ROBO1: variants seen among roughly 807,000 people sequenced by gnomAD.
ROBO1 encodes roundabout homolog 1.
In ROBO1, 149 loss-of-function variants were observed where a neutral mutation model predicts 195.9. The ratio of observed to expected loss-of-function variants is 0.76; its 90% CI spans 0.67 to 0.87. The LOEUF is 0.87. Ranked by LOEUF, ROBO1 falls within the 40% of genes least tolerant of loss-of-function variation. ROBO1 has a pLI of 0.00. For synonymous variants in ROBO1, 816 were observed against 733.2 expected, an observed-to-expected ratio of 1.11 and a Z score of -1.82; for missense variants, 1,933 against 2,068.3, an observed-to-expected ratio of 0.93 and a Z score of 1.27.
chr3:79,523,639 A>T (rs1941309195), intron 2 of ROBO1, among the ~76,000 whole-genome samples: 2 of 151,348 alleles, frequency 1.3e-5, no homozygotes, highest in Admixed American at 6.6e-5. Flanking sequence ...CACCCAGCTA[A>T]TTTTTTCTAT....
chr3:79,607,095 G>GAACACACA lies in ROBO1; in HGVS notation c.-50-17135_-50-17134insTGTGTGTT, dbSNP rs71631663. On this transcript the variant is annotated intron_variant, in intron 1 of 30. Coordinates refer to ENST00000464233, the MANE Select transcript of ROBO1 (RefSeq NM_002941.4). The stretch of plus-strand genomic sequence containing the variant: ...TTTTCAATAACTGTTATTAAAACCT[G>GAACACACA]CACACACACACACACACACACACAC... Among the ~76,000 whole-genome samples the GAACACACA allele has an allele frequency of 5.0e-5, 7 of 140,044 alleles. No individual in the cohort carries two copies. In the East Asian group the frequency reaches 1.2e-3, roughly 25 times the overall value. 91.9% of individuals were successfully genotyped at this position (140,044 alleles called of 152,430 possible).
intron 4 of ROBO1, among the ~76,000 whole-genome samples, chr3:78,920,732 G>A (rs191953479): frequency 2.8e-5 from 4 of 145,082 alleles, no homozygotes; most frequent in East Asian, 2.2e-4. Flanking sequence ...CCTCTGGGCC[G>A]TCAAATGATC....
At chr3:78,638,191 ATGTG>A (rs1247509606) in intron 22 of ROBO1, among the ~76,000 whole-genome samples, 11 of 142,422 alleles carry the variant, frequency 7.7e-5, no homozygotes, top group East Asian at 2.0e-4. Flanking sequence ...GTGTATATAT[ATGTG>A]TGTATGTGTG....
At position 79,692,125 on chromosome 3, in the gene ROBO1, G is replaced by A. The variant is rs940575301; in HGVS notation, c.-51+75627C>T. Among the ~76,000 whole-genome samples, 5 of 151,838 alleles carry A rather than the reference G, an allele frequency of 3.3e-5. No homozygotes were observed. The East Asian group carries it at 9.7e-4, about 29-fold the overall frequency. On this transcript the variant is annotated intron_variant, in intron 1 of 30. Coordinates refer to ENST00000464233, the MANE Select transcript of ROBO1 (RefSeq NM_002941.4). ...CAGAAGAAAAGGAGGTTGAGGAGAG[G>A]AAATATTGTTGGCATAAAGAGAAAG...
chr3:79,410,866 A>C (rs1024914154), intron 2 of ROBO1, among the ~76,000 whole-genome samples: 3 of 152,056 alleles, frequency 2.0e-5, no homozygotes, highest in East Asian at 3.9e-4. Context: ...CTTCCACTCA[A>C]ATCAGTAAAG....
intron 2 of ROBO1, among the ~76,000 whole-genome samples, chr3:79,434,313 C>G (rs930593862): frequency 9.2e-5 from 14 of 152,270 alleles, no homozygotes; most frequent in Admixed American, 7.2e-4. Context: ...TTGCAATCTA[C>G]TCATCTGACA....
chr3:78,698,639 A>G (rs2081353318), intron 8 of ROBO1, among the ~76,000 whole-genome samples: 1 of 152,164 alleles, frequency 6.6e-6, no homozygotes, highest in Non-Finnish European at 1.5e-5. Context: ...CAAACATCCT[A>G]CAAAGCCCAA....
chr3:79,664,821 C>T (rs552503103), intron 1 of ROBO1, among the ~76,000 whole-genome samples: 7 of 152,064 alleles, frequency 4.6e-5, no homozygotes, highest in African/African-American at 7.2e-5. Context: ...TATTCAATGC[C>T]TTCCGGTACT....
chr3:79,480,575 T>C (rs73131025), intron 2 of ROBO1, among the ~76,000 whole-genome samples: 23,223 of 152,144 alleles, frequency 0.15, 2,322 homozygotes, highest in African/African-American at 0.29. Context: ...GCTCTAATTT[T>C]TCTATAGAGA....
chr3:79,061,463 G>T (rs7433661), intron 3 of ROBO1, among the ~76,000 whole-genome samples: 62,396 of 151,886 alleles, frequency 0.41, 15,287 homozygotes, highest in East Asian at 0.57. Context: ...TCCCCATCAA[G>T]CTACCAATGA....
At chr3:78,720,815 A>G (rs1032994896) in intron 5 of ROBO1, among the ~76,000 whole-genome samples, 17 of 152,164 alleles carry the variant, frequency 1.1e-4, no homozygotes, top group African/African-American at 3.4e-4. Context: ...GAAGCTGGAA[A>G]CCATCATTCT....
chr3:79,309,416 C>T (rs901143201), intron 2 of ROBO1, among the ~76,000 whole-genome samples: 5 of 152,024 alleles, frequency 3.3e-5, no homozygotes, highest in African/African-American at 1.2e-4. Context: ...CCCGTCTCTA[C>T]AAAAACCCAG....
chr3:79,277,043 A>G (rs1280029546), intron 2 of ROBO1, among the ~76,000 whole-genome samples: 7 of 152,060 alleles, frequency 4.6e-5, no homozygotes, highest in African/African-American at 1.4e-4. Flanking sequence ...TGCAACCACT[A>G]TGGAGAAACC....
chr3:78,777,896 C>T (rs1474698361), intron 4 of ROBO1, among the ~76,000 whole-genome samples: 1 of 152,208 alleles, frequency 6.6e-6, no homozygotes, highest in Non-Finnish European at 1.5e-5. Context: ...TGAGAGAGGG[C>T]ATCCTTGCCT....
At chr3:79,725,518 G>A (rs866357984) in intron 1 of ROBO1, among the ~76,000 whole-genome samples, 1 of 151,916 alleles carries the variant, frequency 6.6e-6, no homozygotes, top group African/African-American at 2.4e-5. Context: ...GAGCCACCGC[G>A]CCCGGCCCTC....
At chr3:79,330,368 G>T (rs1419503001) in intron 2 of ROBO1, among the ~76,000 whole-genome samples, 1 of 149,236 alleles carries the variant, frequency 6.7e-6, no homozygotes, top group Non-Finnish European at 1.5e-5. Context: ...CCACAGTTTG[G>T]CAAACTAAGA....
chr3:78,645,262 C>A (rs1292946923), intron 21 of ROBO1, among the ~76,000 whole-genome samples: 1 of 151,958 alleles, frequency 6.6e-6, no homozygotes, highest in Non-Finnish European at 1.5e-5. Flanking sequence ...CAGTAATTTT[C>A]TTATCCGGTG....
chr3:79,403,425 A>T (rs961545485), intron 2 of ROBO1, among the ~76,000 whole-genome samples: 29 of 152,028 alleles, frequency 1.9e-4, no homozygotes, highest in African/African-American at 6.5e-4. Flanking sequence ...ATTTCCTCAG[A>T]CACACTGTTC....
At chr3:79,728,549 A>G (rs1247135122) in intron 1 of ROBO1, among the ~76,000 whole-genome samples, 1 of 152,192 alleles carries the variant, frequency 6.6e-6, no homozygotes, top group Non-Finnish European at 1.5e-5. Context: ...ACAAACTATA[A>G]TTTAAAAATA....
Sources: allele counts gnomAD v4.1 joint callset (sites outside exome capture counted in the v4.1 genomes callset), GRCh38; gene constraint gnomAD v4.1.1; transcripts MANE v1.5; gene names NCBI Gene and HGNC (gene_info 2026-07-23, HGNC 2026-07-21).